Variants in FSTL5 observed in about 807,000 individuals in gnomAD.
FSTL5 encodes follistatin-related protein 5.
In FSTL5, 62 loss-of-function variants were observed where a neutral mutation model predicts 89.1. The ratio of observed to expected loss-of-function variants is 0.70; its 90% confidence interval spans 0.57 to 0.86. FSTL5 has a LOEUF of 0.86. Ranked by LOEUF, FSTL5 falls within the 40% of genes least tolerant of loss-of-function variation. The probability of loss-of-function intolerance (pLI) is 0.00; values close to 1 mark genes in which losing one functional copy is unlikely to be tolerated. For synonymous variants in FSTL5, 383 were observed against 346.2 expected (o/e 1.11, Z -1.18); for missense variants, 1,057 against 1,001.6 (o/e 1.06, Z -0.75).
rs375849095 is a variant in FSTL5, at chr4:161,464,638, A to G, written c.1609-5319T>C. ...TTTTGTGTTTGTTTAGGTCAATGAA[A>G]TAAACCATGCACTTAGAATAATACT... On this transcript the variant is annotated intron_variant, in intron 13 of 15. Transcript: ENST00000306100. Among the ~76,000 whole-genome samples, 26 of 152,318 alleles carry G rather than the reference A, an allele frequency of 1.7e-4. No homozygotes were observed. The East Asian group carries it at 4.8e-3, about 28-fold the overall frequency.
At chr4:161,515,395 T>C (rs1047269502) in intron 10 of FSTL5, among the ~76,000 whole-genome samples, 3 of 151,910 alleles carry the variant, frequency 2.0e-5, no homozygotes, top group African/African-American at 4.8e-5. Context: ...TTAGTAGAGA[T>C]GGCATTTCAC....
At chr4:161,619,902 C>G (rs368289716) in intron 7 of FSTL5, among the ~76,000 whole-genome samples, 49 of 151,912 alleles carry the variant, frequency 3.2e-4, no homozygotes, top group Middle Eastern at 6.8e-3. Context: ...ATGTTTATTG[C>G]GGCACTATTC....
chr4:162,089,525 C>T (rs886184895), intron 2 of FSTL5, among the ~76,000 whole-genome samples: 1 of 149,144 alleles, frequency 6.7e-6, no homozygotes, highest in Non-Finnish European at 1.5e-5. Context: ...CCCAGCTACT[C>T]GGGAGGGTAA....
chr4:161,674,902 C>T lies in FSTL5; in HGVS notation c.728-18408G>A, dbSNP rs567594615. Among the ~76,000 whole-genome samples the T allele has an allele frequency of 9.2e-5, 14 of 152,218 alleles. 1 individual carries two copies. The East Asian group carries it at 1.9e-3, about 21-fold the overall frequency. ...GGCTTTCCTGTGCAGTGTTGCCACACTTCGGGGGCTCCACTGGGGATGGAG... is the reference window on the plus strand; with the variant it reads ...GGCTTTCCTGTGCAGTGTTGCCACATTTCGGGGGCTCCACTGGGGATGGAG... On this transcript the variant is annotated intron_variant, in intron 6 of 15. Coordinates refer to ENST00000306100, the MANE Select transcript of FSTL5 (RefSeq NM_020116.5).
intron 6 of FSTL5, among the ~76,000 whole-genome samples, chr4:161,666,384 G>A (rs1736893465): frequency 6.6e-6 from 1 of 152,084 alleles, no homozygotes; most frequent in Admixed American, 6.5e-5. Context: ...AGTCTAATGA[G>A]AATAACTGTT....
chr4:161,507,502 G>C (rs1730521870), intron 11 of FSTL5, among the ~76,000 whole-genome samples: 1 of 151,672 alleles, frequency 6.6e-6, no homozygotes, highest in Non-Finnish European at 1.5e-5. Flanking sequence ...AGTTTCTTTA[G>C]AGCAGATATT....
intron 14 of FSTL5, among the ~76,000 whole-genome samples, chr4:161,455,807 T>C (rs1027274741): frequency 1.3e-5 from 2 of 152,168 alleles, no homozygotes; most frequent in Non-Finnish European, 2.9e-5. Flanking sequence ...CTTTCATTGT[T>C]CCTACTGCAC....
intron 13 of FSTL5, among the ~76,000 whole-genome samples, chr4:161,463,820 T>G (rs1733657649): frequency 1.3e-5 from 2 of 152,188 alleles, no homozygotes; most frequent in Non-Finnish European, 2.9e-5. Flanking sequence ...GACTGCCGTC[T>G]TCCTCCCATA....
chr4:161,549,403 T>C (rs72990906), intron 8 of FSTL5, among the ~76,000 whole-genome samples: 3,688 of 151,894 alleles, frequency 0.024, 133 homozygotes, highest in African/African-American at 0.083. Flanking sequence ...TGATTAATAA[T>C]AGGCTCTTTG....
At chr4:162,135,696 G>A (rs955087876) in intron 1 of FSTL5, among the ~76,000 whole-genome samples, 1 of 152,070 alleles carries the variant, frequency 6.6e-6, no homozygotes, top group Non-Finnish European at 1.5e-5. Context: ...TGAGATCAGA[G>A]ATTATAACTG....
At chr4:161,819,431 A>T (rs1224267361) in intron 4 of FSTL5, among the ~76,000 whole-genome samples, 1 of 152,136 alleles carries the variant, frequency 6.6e-6, no homozygotes, top group Non-Finnish European at 1.5e-5. Context: ...TAACTTACAT[A>T]AATAAAGCAG....
intron 4 of FSTL5, among the ~76,000 whole-genome samples, chr4:161,867,286 C>T (rs543783853): frequency 6.6e-5 from 10 of 152,050 alleles, no homozygotes; most frequent in African/African-American, 2.4e-4. Context: ...ACTATATACT[C>T]TCTTAAAGTT....
chr4:161,454,123 T>C (rs1040761523), intron 15 of FSTL5, among the ~76,000 whole-genome samples: 3 of 152,202 alleles, frequency 2.0e-5, no homozygotes, highest in Non-Finnish European at 4.4e-5. Flanking sequence ...CTGCAATTTT[T>C]AGATGATATA....
chr4:161,914,653 G>A (rs567287687), intron 4 of FSTL5, among the ~76,000 whole-genome samples: 31 of 152,060 alleles, frequency 2.0e-4, no homozygotes, highest in Middle Eastern at 6.9e-3. Flanking sequence ...TCTAAAATTG[G>A]AAAATTGATC....
chr4:161,437,286 G>T (rs1266206090), intron 15 of FSTL5, among the ~76,000 whole-genome samples: 1 of 152,050 alleles, frequency 6.6e-6, no homozygotes. Context: ...AAAACAACGG[G>T]CAGGGCGCAG....
At chr4:162,049,637 C>T (rs2111254033) in intron 2 of FSTL5, among the ~76,000 whole-genome samples, 1 of 152,196 alleles carries the variant, frequency 6.6e-6, no homozygotes. Context: ...ACAAGGAACA[C>T]TGGTTGACTA....
chr4:161,461,288 C>CAAAAAA lies in FSTL5; in HGVS notation c.1609-1975_1609-1970dup, dbSNP rs781313697. On this transcript the variant is annotated intron_variant, in intron 13 of 15. Coordinates refer to ENST00000306100, the MANE Select transcript of FSTL5 (RefSeq NM_020116.5). Reference sequence around the variant, plus strand: ...CGAAACCCCGTCTCTACTAAAAATACAAAAAAAACAAACAAACAAAAAAAT... The same window carrying CAAAAAA: ...CGAAACCCCGTCTCTACTAAAAATACAAAAAAAAAAAAAACAAACAAACAAAAAAAT... Among the ~76,000 whole-genome samples, 249 of 72,602 alleles carry CAAAAAA rather than the reference C, an allele frequency of 3.4e-3. 14 individuals carry two copies. Among genetic ancestry groups the CAAAAAA allele is most frequent in the African/African-American group, 0.015 (230 of 14,858 alleles). 47.6% of individuals were successfully genotyped at this position (72,602 alleles called of 152,430 possible).
intron 15 of FSTL5, among the ~76,000 whole-genome samples, chr4:161,445,180 T>A (rs1001354639): frequency 6.6e-6 from 1 of 151,966 alleles, no homozygotes; most frequent in African/African-American, 2.4e-5. Flanking sequence ...ATGAGTATTG[T>A]GCATAGGACA....
At chr4:161,535,418 C>T (rs904063121) in intron 10 of FSTL5, among the ~76,000 whole-genome samples, 2 of 151,880 alleles carry the variant, frequency 1.3e-5, no homozygotes, top group Non-Finnish European at 2.9e-5. Flanking sequence ...ATGGGAAAAG[C>T]ATAAGAACAG....
Sources: allele counts gnomAD v4.1 joint callset (sites outside exome capture counted in the v4.1 genomes callset), GRCh38; gene constraint gnomAD v4.1.1; transcripts MANE v1.5; gene names NCBI Gene and HGNC (gene_info 2026-07-23, HGNC 2026-07-21).